Variants in SLC18A1 observed in about 807,000 individuals in gnomAD.
SLC18A1 encodes chromaffin granule amine transporter.
SLC18A1 carries 69 observed loss-of-function variants against 53.7 expected under a neutral mutation model. The observed-to-expected ratio is 1.28, with a 90% CI of 1.06 to 1.57. The LOEUF is 1.57. SLC18A1 is among the 40% of genes most tolerant of loss of function. The pLI is 0.00. For synonymous variants in SLC18A1, 320 were observed against 248.1 expected (o/e 1.29, Z -2.72); for missense variants, 932 against 668.1 (o/e 1.40, Z -4.35).
intron 8 of SLC18A1, among the ~76,000 whole-genome samples, chr8:20,169,316 G>A (rs2072051779): frequency 6.6e-6 from 1 of 152,096 alleles, no homozygotes; most frequent in Admixed American, 6.6e-5. Context: ...GTCATGGACT[G>A]GGCTTTGCAT....
At chr8:20,180,354 T>C (rs537476891) in intron 2 of SLC18A1, among the ~76,000 whole-genome samples, 1 of 152,164 alleles carries the variant, frequency 6.6e-6, no homozygotes, top group East Asian at 1.9e-4. Context: ...CTTAATGTAA[T>C]GATTAGGAGA....
chr8:20,178,508 A>G lies in SLC18A1; in HGVS notation c.489-15T>C, dbSNP rs4922136. On this transcript the variant is annotated splice_polypyrimidine_tract_variant and intron_variant, in intron 3 of 15. Transcript: ENST00000276373. ...GATATCCAATCCTAAAAGGGAATTGAAAAAAAAAAAGATACAATTCCAACA... is the reference window on the plus strand; with the variant it reads ...GATATCCAATCCTAAAAGGGAATTGGAAAAAAAAAAGATACAATTCCAACA... The G allele has an allele frequency of 0.2, 247,261 of 1,256,370 alleles. 18,184 individuals carry two copies. Among genetic ancestry groups the G allele is most frequent in the Middle Eastern group, 0.21 (1,071 of 5,014 alleles). 77.8% of individuals were successfully genotyped at this position (1,256,370 alleles called of 1,614,324 possible).
rs17222218 is a variant in SLC18A1, at chr8:20,179,308, C to A, written c.301G>T (p.Ala101Ser). ...GTGCTGGCAGTGTCATTCATCCATGCTATTCCACTAGGTACGCTTTCTTCA... is the reference window on the plus strand; with the variant it reads ...GTGCTGGCAGTGTCATTCATCCATGATATTCCACTAGGTACGCTTTCTTCA... ...AVEESVPSGI[A>S]WMNDTASTIP... Residue 101 changes from alanine (A) to serine (S), a missense_variant, in exon 3 of 16, where the codon GCA becomes TCA. By Grantham distance (99) the Ala-to-Ser change is moderately conservative (BLOSUM62 1). Coordinates refer to ENST00000276373, the MANE Select transcript of SLC18A1 (RefSeq NM_003053.4). 5.0e-6 allele frequency: 8 copies of A among 1,614,074 alleles called. No homozygotes were observed. The highest frequency in any genetic ancestry group is 1.6e-4 in the Middle Eastern group (1 of 6,084).
intron 2 of SLC18A1, 28 bp downstream of exon 2, chr8:20,180,813 C>A (rs149544457): frequency 4.2e-5 from 68 of 1,612,684 alleles, no homozygotes; most frequent in Middle Eastern, 1.7e-4. Context: ...AGCAAATTAA[C>A]CCTCAGCACA....
intron 7 of SLC18A1, 64 bp downstream of exon 7, chr8:20,171,341 C>T: frequency 7.0e-7 from 1 of 1,424,538 alleles, no homozygotes; most frequent in South Asian, 1.1e-5. Context: ...ACTGACACTA[C>T]AACATAATGC....
intron 3 of SLC18A1, among the ~76,000 whole-genome samples, 187 bp from the exon 4 acceptor site, chr8:20,178,680 G>T (rs548244537): frequency 2.6e-5 from 4 of 152,196 alleles, no homozygotes; most frequent in Non-Finnish European, 5.9e-5. Context: ...CAAACATGCA[G>T]ATATGACCAT....
intron 10 of SLC18A1, among the ~76,000 whole-genome samples, chr8:20,156,972 A>G (rs1350862365): frequency 6.6e-6 from 1 of 152,184 alleles, no homozygotes; most frequent in African/African-American, 2.4e-5. Flanking sequence ...CTGGTAATGG[A>G]CCACCATAAT....
intron 15 of SLC18A1, 22 bp from the exon 16 acceptor site, chr8:20,145,898 G>C: frequency 7.2e-7 from 1 of 1,394,078 alleles, no homozygotes; most frequent in Non-Finnish European, 1.0e-6. Context: ...GGCAAGAAGA[G>C]AAGCCACTGC....
chr8:20,179,044 C>A, intron 3 of SLC18A1, 77 bp downstream of exon 3: 2 of 1,505,002 alleles, frequency 1.3e-6, no homozygotes, highest in Non-Finnish European at 8.9e-7. Flanking sequence ...TTCTTTTTCC[C>A]TTCCAACCCC....
At chr8:20,172,339 C>A (rs933374494) in intron 6 of SLC18A1, among the ~76,000 whole-genome samples, 5 of 152,204 alleles carry the variant, frequency 3.3e-5, no homozygotes, top group Non-Finnish European at 7.3e-5. Flanking sequence ...TCCCATGGGG[C>A]TAGAGGGTGG....
In SLC18A1 at chr8:20,148,017, G is replaced by T. The variant is rs2071446709; in HGVS notation, c.1200C>A (p.Gly400=). 6.2e-7 allele frequency: 1 copy of T among 1,613,908 alleles called. No individual in the cohort carries two copies. The highest frequency in any genetic ancestry group is 8.5e-7 in the Non-Finnish European group (1 of 1,179,988). ...GAGGGCACTTCTTACCTATGGCAAG[G>T]CCAAGCCCTGCATTGGGGCCAATGA... ...FGLIGPNAGL[G]LAIGMVDSSM... Residue 400 remains glycine (G), a synonymous_variant, in exon 13 of 16, where the codon GGC becomes GGA. Transcript: ENST00000276373.
chr8:20,171,558 C>T, intron 6 of SLC18A1, 64 bp from the exon 7 acceptor site: 2 of 1,279,596 alleles, frequency 1.6e-6, no homozygotes, highest in South Asian at 1.2e-5. Flanking sequence ...TGAGAATTAT[C>T]CATATTTACC....
chr8:20,153,317 A>T (rs1349290773), intron 10 of SLC18A1, among the ~76,000 whole-genome samples: 1 of 152,160 alleles, frequency 6.6e-6, no homozygotes, highest in African/African-American at 2.4e-5. Flanking sequence ...ACAAGCCCAG[A>T]GGGAGTGAGG....
chr8:20,174,847 T>G (rs2072217243), intron 4 of SLC18A1, among the ~76,000 whole-genome samples: 1 of 152,210 alleles, frequency 6.6e-6, no homozygotes, highest in Non-Finnish European at 1.5e-5. Flanking sequence ...TTACCATTGC[T>G]GGGTCCCACA....
Position 20,145,799 on chromosome 8 carries a change from C to T in SLC18A1, c.1542G>A (p.Gly514=), listed in dbSNP as rs1399366224. The T allele has an allele frequency of 5.0e-6, 8 of 1,612,040 alleles. No homozygotes were observed. The highest frequency in any genetic ancestry group is 1.3e-5 in the African/African-American group (1 of 74,908). Residue 514 remains glycine (G), a synonymous_variant, in exon 16 of 16, where the codon GGG becomes GGA. Transcript: ENST00000276373. The stretch of plus-strand genomic sequence containing the variant: ...GGTCAGGCTCCTCATCACTGTCCTC[C>T]CCCAGAGGAAATTCCTTCGTGGGCT... The part of the protein sequence containing the change: ...TQKPTKEFPL[G]EDSDEEPDHE...
At chr8:20,147,956 C>T (rs377323378) in intron 13 of SLC18A1, 51 bp downstream of exon 13, 21 of 1,593,516 alleles carry the variant, frequency 1.3e-5, no homozygotes, top group African/African-American at 1.2e-4. Flanking sequence ...AGGCATCAGA[C>T]CCAAAGCCAA....
intron 12 of SLC18A1, among the ~76,000 whole-genome samples, chr8:20,149,310 G>A (rs186833371): frequency 1.3e-5 from 2 of 152,062 alleles, no homozygotes; most frequent in African/African-American, 2.4e-5. Context: ...GTCATAAAAC[G>A]CACCATTTTG....
At chr8:20,181,711 C>A (rs1430240538) in intron 1 of SLC18A1, 2 of 152,162 alleles carry the variant, frequency 1.3e-5, no homozygotes, top group Non-Finnish European at 2.9e-5. Flanking sequence ...CACAGTGTCA[C>A]TTGGGCTGCC....
At position 20,178,486 on chromosome 8, in the gene SLC18A1, A is replaced by T. The variant is rs1190132675; in HGVS notation, c.496T>A (p.Tyr166Asn). 1 of 1,605,746 alleles carries T rather than the reference A, an allele frequency of 6.2e-7. No individual in the cohort carries two copies. The highest frequency in any genetic ancestry group is 1.1e-5 in the South Asian group (1 of 89,402). The part of the protein sequence containing the change: ...FVGPLTNRIG[Y>N]HIPMFAGFVI... ...AAGCCAGCAAACATGGGGATATGAT[A>T]TCCAATCCTAAAAGGGAATTGAAAA... The change falls in exon 4 of 16, where the codon TAT becomes AAT. Residue 166 changes from tyrosine (Y) to asparagine (N), a missense_variant. Transcript: ENST00000276373.
Sources: allele counts gnomAD v4.1 joint callset (sites outside exome capture counted in the v4.1 genomes callset), GRCh38; gene constraint gnomAD v4.1.1; transcripts MANE v1.5; gene names NCBI Gene and HGNC (gene_info 2026-07-23, HGNC 2026-07-21).